SLC17A1: variants seen among roughly 807,000 people sequenced by gnomAD.
The protein encoded by SLC17A1 is sodium-dependent phosphate transport protein 1.
SLC17A1 carries 51 observed loss-of-function variants against 53.5 expected under a neutral mutation model. That is an observed-to-expected ratio of 0.95 (90% CI 0.76 to 1.20). The LOEUF (loss-of-function observed/expected upper bound fraction) is 1.20, where lower values mean the gene tolerates loss of function less well. Ranked by LOEUF, SLC17A1 falls within the 50% of genes most tolerant of loss-of-function variation. The probability of loss-of-function intolerance (pLI) is 0.00; values close to 1 mark genes in which losing one functional copy is unlikely to be tolerated. For missense variants in SLC17A1, 538 were observed against 568.2 expected, an observed-to-expected ratio of 0.95 and a Z score of 0.54; for synonymous variants, 179 against 198.8, an observed-to-expected ratio of 0.90 and a Z score of 0.84.
intron 11 of SLC17A1, among the ~76,000 whole-genome samples, chr6:25,799,298 T>A (rs1763683792): frequency 6.6e-6 from 1 of 152,180 alleles, no homozygotes; most frequent in Non-Finnish European, 1.5e-5. Context: ...ATATTTTAAT[T>A]GGCAAATTTA....
At chr6:25,828,106 G>A (rs1048528747) in intron 2 of SLC17A1, among the ~76,000 whole-genome samples, 6 of 152,274 alleles carry the variant, frequency 3.9e-5, no homozygotes, top group Admixed American at 1.3e-4. Flanking sequence ...CTTTTACCAC[G>A]TAATGGTGGA....
the SLC17A1 span, chr6:25,777,605 AC>A: frequency 5.2e-6 from 1 of 193,762 alleles, no homozygotes; most frequent in African/African-American, 2.6e-5. Flanking sequence ...AACAACAACA[AC>A]AAAAACCTTA....
the SLC17A1 span, among the ~76,000 whole-genome samples, chr6:25,749,942 G>C: frequency 6.6e-6 from 1 of 152,212 alleles, no homozygotes; most frequent in Non-Finnish European, 1.5e-5. Flanking sequence ...GTGGATCACA[G>C]CTGCTGCTGG....
At chr6:25,810,964 A>C (rs1764134097) in intron 10 of SLC17A1, among the ~76,000 whole-genome samples, 1 of 152,182 alleles carries the variant, frequency 6.6e-6, no homozygotes, top group Admixed American at 6.5e-5. Flanking sequence ...AACTTGAATG[A>C]ACCTGGAGGA....
chr6:25,828,346 G>C (rs1764826329), intron 2 of SLC17A1, among the ~76,000 whole-genome samples: 1 of 152,080 alleles, frequency 6.6e-6, no homozygotes, highest in Non-Finnish European at 1.5e-5. Flanking sequence ...GGGAGCTTGG[G>C]TGCCATCTTG....
At chr6:25,729,167 T>C in the SLC17A1 span, among the ~76,000 whole-genome samples, 1 of 152,278 alleles carries the variant, frequency 6.6e-6, no homozygotes, top group Admixed American at 6.5e-5. Flanking sequence ...TACCAGCAAA[T>C]AAAAACTGTT....
chr6:25,820,253 T>A lies in SLC17A1; in HGVS notation c.208-338A>T, dbSNP rs73734148. Among the ~76,000 whole-genome samples, 444 of 152,310 alleles carry A rather than the reference T, an allele frequency of 2.9e-3. 4 individuals are homozygous for A. Among genetic ancestry groups the A allele is most frequent in the African/African-American group, 9.7e-3 (404 of 41,564 alleles). ...TGTAGCATACATACATTTAAATAGT[T>A]AATTTCCTGTACTTCATAGTACTAC... On this transcript the variant is annotated intron_variant, in intron 3 of 12. Transcript: ENST00000244527.
At position 25,819,565 on chromosome 6, in the gene SLC17A1, C is replaced by T; in HGVS notation, c.475G>A (p.Val159Ile). The change falls in exon 5 of 13, where the codon GTC becomes ATC. Residue 159 changes from valine to isoleucine, a missense_variant. Physicochemically the swap from Val to Ile is conservative, Grantham distance 29. Transcript: ENST00000244527. ...IVATAQFEIY[V>I]KWAPPLERGR... ...CGTTCCAGGGGAGGAGCCCATTTGACATATATTTCAAACTGGGCTGTTGCA... is the reference window on the plus strand; with the variant it reads ...CGTTCCAGGGGAGGAGCCCATTTGATATATATTTCAAACTGGGCTGTTGCA... 1.2e-6 allele frequency: 2 copies of T among 1,614,124 alleles called. No homozygotes were observed. The highest frequency in any genetic ancestry group is 1.7e-6 in the Non-Finnish European group (2 of 1,179,944).
In SLC17A1 at chr6:25,812,900, C is replaced by A; in HGVS notation, c.828G>T (p.Trp276Cys). The A allele has an allele frequency of 6.2e-7, 1 of 1,613,372 alleles. No individual in the cohort carries two copies. Among genetic ancestry groups the A allele is most frequent in the South Asian group, 1.1e-5 (1 of 91,062 alleles). Reference protein sequence around the residue: ...AISTGSFTFFWSHNIMTLYTP... With the variant: ...AISTGSFTFFCSHNIMTLYTP... ...TGTATAGTGTCATGATGTTATGTGACCAGAAAAACGTAAAACTACCAGTGG... is the reference window on the plus strand; with the variant it reads ...TGTATAGTGTCATGATGTTATGTGAACAGAAAAACGTAAAACTACCAGTGG... The change falls in exon 8 of 13, where the codon TGG becomes TGT. Residue 276 changes from tryptophan to cysteine, a missense_variant. Coordinates refer to ENST00000244527, the MANE Select transcript of SLC17A1 (RefSeq NM_005074.5).
At chr6:25,726,275 G>A in the SLC17A1 span, 1 of 1,614,128 alleles carries the variant, frequency 6.2e-7, no homozygotes. Context: ...ATCGCTAGCT[G>A]CAGGTGGCGG....
At chr6:25,741,639 C>T in the SLC17A1 span, among the ~76,000 whole-genome samples, 1 of 151,924 alleles carries the variant, frequency 6.6e-6, no homozygotes, top group East Asian at 1.9e-4. Context: ...TCGCTTGGAC[C>T]CAGGAGGCAG....
intron 12 of SLC17A1, among the ~76,000 whole-genome samples, chr6:25,783,744 T>C (rs183309318): frequency 1.3e-5 from 2 of 152,210 alleles, no homozygotes; most frequent in East Asian, 1.9e-4. Flanking sequence ...CAACTTGTTA[T>C]TAAGAAAATG....
intron 6 of SLC17A1, among the ~76,000 whole-genome samples, chr6:25,815,055 T>C (rs1369362642): frequency 6.9e-6 from 1 of 145,646 alleles, no homozygotes; most frequent in African/African-American, 2.6e-5. Context: ...CTAAGAACTG[T>C]AGGACAATTA....
At chr6:25,808,502 A>G (rs1764035883) in intron 10 of SLC17A1, among the ~76,000 whole-genome samples, 1 of 152,106 alleles carries the variant, frequency 6.6e-6, no homozygotes, top group East Asian at 1.9e-4. Context: ...TTGAAAAAAG[A>G]AGAATTTTTT....
intron 6 of SLC17A1, among the ~76,000 whole-genome samples, chr6:25,817,887 G>C (rs531007548): frequency 1.3e-5 from 2 of 152,272 alleles, no homozygotes; most frequent in Non-Finnish European, 2.9e-5. Context: ...AGGGGCTTAC[G>C]TTCCATCACT....
rs1434870105 is a variant in SLC17A1 at position 25,831,290 on chromosome 6, G to A, written c.-50-683C>T. Among the ~76,000 whole-genome samples, 4 of 152,246 alleles carry A rather than the reference G, an allele frequency of 2.6e-5. No individual in the cohort carries two copies. In the East Asian group the frequency reaches 7.7e-4, roughly 29 times the overall value. On this transcript the variant is annotated intron_variant, in intron 1 of 12. Transcript: ENST00000244527. ...ATTCAGCACCAATATGTGCTGGTCAGGTTAGACCTCAGGATTTTACCATAT... is the reference window on the plus strand; with the variant it reads ...ATTCAGCACCAATATGTGCTGGTCAAGTTAGACCTCAGGATTTTACCATAT...
At chr6:25,730,660 G>T in the SLC17A1 span, among the ~76,000 whole-genome samples, 1 of 152,130 alleles carries the variant, frequency 6.6e-6, no homozygotes, top group African/African-American at 2.4e-5. Context: ...AAAATATGTG[G>T]GGTAATGCAT....
the SLC17A1 span, chr6:25,770,832 A>G: frequency 1.0e-6 from 1 of 954,776 alleles, no homozygotes; most frequent in East Asian, 2.4e-5. Flanking sequence ...TGAAACTCAT[A>G]CCTTCACTCA....
At chr6:25,746,938 T>G in the SLC17A1 span, among the ~76,000 whole-genome samples, 2 of 152,220 alleles carry the variant, frequency 1.3e-5, no homozygotes, top group African/African-American at 4.8e-5. Context: ...AAAAATCTAC[T>G]GATTGATTCA....
Sources: allele counts gnomAD v4.1 joint callset (sites outside exome capture counted in the v4.1 genomes callset), GRCh38; gene constraint gnomAD v4.1.1; transcripts MANE v1.5; gene names NCBI Gene and HGNC (gene_info 2026-07-23, HGNC 2026-07-21).